CFAP47: variants seen among roughly 807,000 people sequenced by gnomAD.
The protein encoded by CFAP47 is cilia- and flagella-associated protein 47.
Under a neutral mutation model 148.1 loss-of-function variants are expected in CFAP47, and 29 were observed. The ratio of observed to expected loss-of-function variants is 0.20; its 90% confidence interval spans 0.15 to 0.27. The LOEUF (loss-of-function observed/expected upper bound fraction) is 0.27, where lower values mean the gene tolerates loss of function less well. Ranked by LOEUF, CFAP47 falls within the 10% of genes least tolerant of loss-of-function variation. CFAP47 has a pLI of 1.00. For synonymous variants in CFAP47, 664 were observed against 577.3 expected (o/e 1.15, Z -2.15); for missense variants, 1,872 against 1,697.5 (o/e 1.10, Z -1.81).
chrX:35,988,736 A>G (rs965927459), intron 15 of CFAP47, among the ~76,000 whole-genome samples: 3 of 112,286 alleles, frequency 2.7e-5, no homozygotes, highest in Non-Finnish European at 5.6e-5. Context: ...CTAAACAGAT[A>G]AAACAGCTCA....
At chrX:36,172,251 C>A (rs975317956) in intron 39 of CFAP47, among the ~76,000 whole-genome samples, 2 of 98,275 alleles carry the variant, frequency 2.0e-5, no homozygotes, top group African/African-American at 7.1e-5. Context: ...CAAACAGGGA[C>A]AATTTGACTT....
At chrX:35,996,022 T>C (rs1936843283) in intron 18 of CFAP47, among the ~76,000 whole-genome samples, 1 of 110,955 alleles carries the variant, frequency 9.0e-6, no homozygotes, top group South Asian at 3.8e-4. Context: ...AATGAATTTA[T>C]GGTTTCAGAG....
chrX:36,200,318 G>A, intron 42 of CFAP47, 61 bp from the exon 43 acceptor site: 1 of 291,993 alleles, frequency 3.4e-6, no homozygotes, highest in Non-Finnish European at 6.0e-6. Flanking sequence ...CCTTGTAGCA[G>A]AAAAAGTTAT....
At chrX:36,020,650 G>A (rs1569234428) in intron 22 of CFAP47, among the ~76,000 whole-genome samples, 2 of 111,426 alleles carry the variant, frequency 1.8e-5, no homozygotes, top group Non-Finnish European at 3.8e-5. Flanking sequence ...TAAAAGTGTA[G>A]CTACTCCTGC....
At chrX:36,317,197 G>A (rs1941441674) in intron 56 of CFAP47, among the ~76,000 whole-genome samples, 1 of 111,339 alleles carries the variant, frequency 9.0e-6, no homozygotes, top group African/African-American at 3.3e-5. Flanking sequence ...AATATATGTA[G>A]TAATCATTGC....
At chrX:35,949,141 G>A (rs755330393) in intron 4 of CFAP47, among the ~76,000 whole-genome samples, 4 of 51,649 alleles carry the variant, frequency 7.7e-5, no homozygotes, top group African/African-American at 1.8e-4. Context: ...CATCTGTGGA[G>A]TGTGTGTGTG....
In CFAP47 at chrX:35,967,797, A is replaced by C. The variant is rs1391115148; in HGVS notation, c.1779A>C (p.Ala593=). The change falls in exon 10 of 64, where the codon GCA becomes GCC. Residue 593 remains alanine (A), a synonymous_variant. Transcript: ENST00000378653. ...TAGCCTTTCCCAATGACCGAGCTGC[A>C]ACTATCAGGTCTAAAGACCATCATA... ...MLLAFPNDRA[A]TIRSKDHHKH... 3.3e-6 allele frequency: 4 copies of C among 1,204,924 alleles called. No individual in the cohort carries two copies. The highest frequency in any genetic ancestry group is 4.5e-6 in the Non-Finnish European group (4 of 892,223).
rs780070184 is a variant in CFAP47, at chrX:36,071,931, A to G, written c.4425A>G (p.Lys1475=). The G allele has an allele frequency of 1.7e-6, 2 of 1,207,407 alleles. No individual in the cohort carries two copies. Among genetic ancestry groups the G allele is most frequent in the East Asian group, 5.9e-5 (2 of 33,641 alleles). The part of the protein sequence containing the change: ...ASIKKTYTTS[K]FNDAEPAKGN... ...TTAAAAAGACATACACCACTAGCAA[A>G]TTCAATGATGCTGAACCTGCAAAGG... Residue 1475 remains lysine, a synonymous_variant, in exon 28 of 64, where the codon AAA becomes AAG. Transcript: ENST00000378653.
chrX:36,230,115 G>A (rs1940325802), intron 46 of CFAP47, among the ~76,000 whole-genome samples: 1 of 104,068 alleles, frequency 9.6e-6, no homozygotes, highest in East Asian at 3.1e-4. Context: ...TAGTCCTTTG[G>A]GTATATACCC....
At chrX:36,380,327 T>C (rs1361255304) in intron 63 of CFAP47, among the ~76,000 whole-genome samples, 1 of 112,970 alleles carries the variant, frequency 8.9e-6, no homozygotes, top group Non-Finnish European at 1.9e-5. Flanking sequence ...ATATTGAATA[T>C]TGTTTGAGGA....
At chrX:35,977,779 TA>T (rs1237537833) in intron 15 of CFAP47, among the ~76,000 whole-genome samples, 10 of 111,941 alleles carry the variant, frequency 8.9e-5, no homozygotes, top group African/African-American at 2.9e-4. Context: ...GGGAGTGTTA[TA>T]AAAACAATCT....
chrX:35,926,805 C>T (rs938032529), intron 2 of CFAP47, among the ~76,000 whole-genome samples: 6 of 110,583 alleles, frequency 5.4e-5, no homozygotes, highest in South Asian at 7.5e-4. Context: ...ATATTTTCTG[C>T]GGATTACATG....
rs186027150 is a variant in CFAP47, at chrX:36,228,542, A to G, written c.6818-86A>G. On this transcript the variant is annotated intron_variant, in intron 45 of 63. Coordinates refer to ENST00000378653, the MANE Select transcript of CFAP47 (RefSeq NM_001304548.2). ...ATTCTAGGTTATGCAGTACAATTTAATACAATAATATTAAATATTGCTTAC... is the reference window on the plus strand; with the variant it reads ...ATTCTAGGTTATGCAGTACAATTTAGTACAATAATATTAAATATTGCTTAC... 1.1e-3 allele frequency: 515 copies of G among 482,038 alleles called. 3 individuals carry two copies. The African/African-American group carries it at 0.011, about 11-fold the overall frequency. The allele number at this position is 482,038 out of a possible 1,213,427, so 39.7% of individuals were successfully genotyped here. A position where few individuals can be genotyped will look rare whatever the true frequency, so the allele number is the denominator to read the frequency against.
chrX:36,329,638 C>G (rs1212822683), intron 57 of CFAP47, among the ~76,000 whole-genome samples: 3 of 112,105 alleles, frequency 2.7e-5, no homozygotes, highest in Non-Finnish European at 3.8e-5. Flanking sequence ...AATATCATTT[C>G]TGGCATTATT....
At chrX:36,186,858 A>G (rs74577587) in intron 40 of CFAP47, among the ~76,000 whole-genome samples, 2 of 104,367 alleles carry the variant, frequency 1.9e-5, no homozygotes, top group African/African-American at 6.9e-5. Flanking sequence ...GTTCTACAGT[A>G]TTTTTTTTTT....
intron 51 of CFAP47, among the ~76,000 whole-genome samples, chrX:36,289,335 A>G (rs1175108562): frequency 1.8e-5 from 2 of 110,880 alleles, no homozygotes; most frequent in Non-Finnish European, 3.8e-5. Context: ...TTATTTTTCT[A>G]TAGGAAAGAT....
chrX:36,035,008 A>G (rs1937321989), intron 23 of CFAP47, among the ~76,000 whole-genome samples: 1 of 110,546 alleles, frequency 9.0e-6, no homozygotes, highest in Admixed American at 9.7e-5. Context: ...ACATCCATCT[A>G]ACACCAGCTC....
At chrX:36,229,939 C>G (rs782729852) in intron 46 of CFAP47, among the ~76,000 whole-genome samples, 1 of 103,740 alleles carries the variant, frequency 9.6e-6, no homozygotes, top group Admixed American at 1.1e-4. Flanking sequence ...AGGACATGAA[C>G]TCATCATTTT....
intron 57 of CFAP47, among the ~76,000 whole-genome samples, chrX:36,342,829 T>G (rs1941665134): frequency 9.0e-6 from 1 of 111,697 alleles, no homozygotes; most frequent in African/African-American, 3.3e-5. Context: ...CTGGGATACA[T>G]GTGCTGAACG....
Sources: allele counts gnomAD v4.1 joint callset (sites outside exome capture counted in the v4.1 genomes callset), GRCh38; gene constraint gnomAD v4.1.1; transcripts MANE v1.5; gene names NCBI Gene and HGNC (gene_info 2026-07-23, HGNC 2026-07-21).